RBM19: variants seen among roughly 807,000 people sequenced by gnomAD.
RBM19 encodes the protein RNA binding motif protein 19.
A neutral mutation model predicts 116.8 loss-of-function variants in RBM19; 94 were observed. The observed-to-expected ratio is 0.80, with a 90% confidence interval of 0.68 to 0.95. The LOEUF is 0.95. Ranked by LOEUF, RBM19 falls within the 40% of genes least tolerant of loss-of-function variation. The pLI is 0.00. For missense variants in RBM19, 1,161 were observed against 1,220.7 expected (o/e 0.95, Z 0.73); for synonymous variants, 475 against 494.1 (o/e 0.96, Z 0.51).
chr12:113,896,338 C>T (rs1220116288), intron 21 of RBM19, among the ~76,000 whole-genome samples: 2 of 152,182 alleles, frequency 1.3e-5, no homozygotes, highest in Non-Finnish European at 2.9e-5. Flanking sequence ...GGCCCCATCA[C>T]GTGAGGTGCT....
chr12:113,962,091 G>C, intron 2 of RBM19, 141 bp downstream of exon 2: 5 of 1,022,396 alleles, frequency 4.9e-6, no homozygotes, highest in Non-Finnish European at 7.2e-6. Flanking sequence ...GTATGCACAT[G>C]AAAGTGTGTG....
chr12:113,895,865 T>A (rs1450438541), intron 21 of RBM19, among the ~76,000 whole-genome samples: 2 of 150,224 alleles, frequency 1.3e-5, no homozygotes, highest in African/African-American at 4.9e-5. Flanking sequence ...TATAGCTATA[T>A]ATAGGATTAC....
intron 21 of RBM19, among the ~76,000 whole-genome samples, chr12:113,897,561 C>A (rs538193282): frequency 6.6e-6 from 1 of 151,694 alleles, no homozygotes; most frequent in Non-Finnish European, 1.5e-5. Context: ...CCTACAATCC[C>A]GGCTACTCGG....
At chr12:113,821,222 T>TG (rs1874394399), downstream of RBM19, among the ~76,000 whole-genome samples, 2 of 152,180 alleles carry the variant, frequency 1.3e-5, no homozygotes, top group East Asian at 3.9e-4. Flanking sequence ...AATCCTGCTC[T>TG]GGGGGGAGGT....
intron 6 of RBM19, among the ~76,000 whole-genome samples, chr12:113,956,413 T>C: frequency 6.6e-6 from 1 of 151,722 alleles, no homozygotes; most frequent in East Asian, 1.9e-4. Context: ...AAACTCCATC[T>C]CTACTAAAAA....
intron 21 of RBM19, among the ~76,000 whole-genome samples, chr12:113,880,868 A>G (rs1880065334): frequency 6.6e-6 from 1 of 152,200 alleles, no homozygotes; most frequent in Non-Finnish European, 1.5e-5. Context: ...CATGTGCTCA[A>G]TAACTCAAGA....
At chr12:113,833,137 C>T (rs1027819905) in intron 23 of RBM19, among the ~76,000 whole-genome samples, 11 of 152,166 alleles carry the variant, frequency 7.2e-5, no homozygotes, top group South Asian at 2.1e-4. Flanking sequence ...AGAACACCCC[C>T]GCCCAGCCAC....
At chr12:113,897,369 T>C (rs1316987606) in intron 21 of RBM19, among the ~76,000 whole-genome samples, 1 of 152,246 alleles carries the variant, frequency 6.6e-6, no homozygotes, top group African/African-American at 2.4e-5. Context: ...TTTTACCCCG[T>C]TGGCCAGGCT....
intron 21 of RBM19, among the ~76,000 whole-genome samples, chr12:113,865,032 A>G (rs1434152711): frequency 6.6e-6 from 1 of 152,120 alleles, no homozygotes; most frequent in East Asian, 1.9e-4. Flanking sequence ...TCTCTTCCAA[A>G]TTGCTTAACT....
At chr12:113,914,875 G>T (rs1417326285) in intron 21 of RBM19, 94 bp downstream of exon 21, 3 of 1,086,716 alleles carry the variant, frequency 2.8e-6, no homozygotes, top group Non-Finnish European at 2.8e-6. Context: ...GGCCTGCAAC[G>T]GAACCATCCA....
chr12:113,920,865 G>A (rs578035104), intron 18 of RBM19, among the ~76,000 whole-genome samples, 175 bp from the exon 19 acceptor site: 3 of 152,130 alleles, frequency 2.0e-5, no homozygotes, highest in Admixed American at 6.5e-5. Flanking sequence ...TCATCTTGAC[G>A]AATCAGCCAA....
chr12:113,939,919 G>A, intron 15 of RBM19, 41 bp downstream of exon 15: 1 of 1,600,188 alleles, frequency 6.2e-7, no homozygotes, highest in African/African-American at 1.3e-5. Context: ...AGCCCTCACT[G>A]GTCCTTCTCC....
At chr12:113,864,758 A>G (rs1878681394) in intron 21 of RBM19, among the ~76,000 whole-genome samples, 1 of 152,178 alleles carries the variant, frequency 6.6e-6, no homozygotes, top group Admixed American at 6.5e-5. Flanking sequence ...GATACATACA[A>G]ACTAAAGCCT....
intron 16 of RBM19, among the ~76,000 whole-genome samples, chr12:113,936,523 C>T (rs1870080786): frequency 6.6e-6 from 1 of 152,250 alleles, no homozygotes; most frequent in Admixed American, 6.5e-5. Context: ...CAATGATACC[C>T]CTTTTCCCAG....
At chr12:113,837,818 A>G (rs1433872530) in intron 23 of RBM19, among the ~76,000 whole-genome samples, 1 of 152,254 alleles carries the variant, frequency 6.6e-6, no homozygotes, top group East Asian at 1.9e-4. Context: ...GCGACAGTAC[A>G]GTAAATTGAC....
chr12:113,894,254 C>T (rs1037167726), intron 21 of RBM19, among the ~76,000 whole-genome samples: 2 of 152,196 alleles, frequency 1.3e-5, no homozygotes, highest in Admixed American at 6.5e-5. Context: ...CATCCTGTTC[C>T]ACAACAGGGC....
At position 113,858,872 on chromosome 12, in the gene RBM19, G is replaced by A; in HGVS notation, c.2583C>T (p.Val861=). The change falls in exon 22 of 24, where the codon GTC becomes GTT. Residue 861 remains valine, a synonymous_variant. Transcript: ENST00000261741. ...LFSTFGELKT[V]RLPKKMTGTG... ...TCCCAGTCATCTTCTTTGGCAGGCG[G>A]ACCGTCTTCAACTCCCCAAAGGTGC... 6.2e-7 allele frequency: 1 copy of A among 1,614,186 alleles called. No homozygotes were observed. Among genetic ancestry groups the A allele is most frequent in the Non-Finnish European group, 8.5e-7 (1 of 1,180,052 alleles).
chr12:113,819,512 G>A (rs56115272), downstream of RBM19, among the ~76,000 whole-genome samples: 687 of 152,296 alleles, frequency 4.5e-3, 7 homozygotes, highest in African/African-American at 0.015. Flanking sequence ...GAGGCTCACC[G>A]CCCTGGAGGA....
Position 113,920,612 on chromosome 12 carries a change from T to C in RBM19, c.2384A>G (p.Gln795Arg), listed in dbSNP as rs1868442713. 6.2e-7 allele frequency: 1 copy of C among 1,613,798 alleles called. No individual in the cohort carries two copies. Among genetic ancestry groups the C allele is most frequent in the Non-Finnish European group, 8.5e-7 (1 of 1,179,680 alleles). ...CTCAGCTGAGAATCTTCACTTTACC[T>C]GGAGCTGCTTGAGAGCTTTCTGGGC... ...EQAQKALKQL[Q>R]GHVVDGHKLE... The change falls in exon 19 of 24, where the codon CAG (glutamine) becomes CGG (arginine). Residue 795 changes from glutamine to arginine, a missense_variant and splice_region_variant. Coordinates refer to ENST00000261741, the MANE Select transcript of RBM19 (RefSeq NM_016196.4).
Sources: gnomAD v4.1 joint callset for allele counts (sites outside exome capture counted in the v4.1 genomes callset) on GRCh38, gnomAD v4.1.1 for gene constraint, MANE v1.5 for transcripts, NCBI Gene and HGNC (gene_info 2026-07-23, HGNC 2026-07-21) for gene names.